The following DHX32 variants were observed in gnomAD, a reference collection of about 807,000 sequenced individuals.
The protein encoded by DHX32 is DEAH-box helicase 32 (putative).
DHX32 carries 51 observed loss-of-function variants against 70.0 expected under a neutral mutation model. That is an observed-to-expected ratio of 0.73 (90% CI 0.58 to 0.92). DHX32 has a LOEUF of 0.92. DHX32 is among the 40% of genes least tolerant of loss of function. The probability of loss-of-function intolerance (pLI) is 0.00; values close to 1 mark genes in which losing one functional copy is unlikely to be tolerated. For synonymous variants in DHX32, 310 were observed against 315.3 expected, an observed-to-expected ratio of 0.98 and a Z score of 0.18; for missense variants, 762 against 891.8, an observed-to-expected ratio of 0.85 and a Z score of 1.85.
intron 1 of DHX32, among the ~76,000 whole-genome samples, chr10:125,893,963 G>T (rs1019815427): frequency 2.0e-5 from 3 of 151,952 alleles, no homozygotes; most frequent in African/African-American, 7.3e-5. Context: ...ATAAGAAAAA[G>T]ACTACATCTG....
At chr10:125,838,117 G>T (rs1003883386) in intron 10 of DHX32, 89 bp downstream of exon 10, 9 of 1,271,868 alleles carry the variant, frequency 7.1e-6, no homozygotes, top group African/African-American at 1.5e-5. Flanking sequence ...ATAAACTTTA[G>T]AACTAAGAAT....
chr10:125,843,693 C>T lies in DHX32; in HGVS notation c.1352-1759G>A, dbSNP rs576746291. ...CAGGACAACTGGAAGGCATTAGAAG[C>T]CACTACTGTAGGCTGGGAAATGACT... is the stretch of plus-strand genomic sequence containing the variant. On this transcript the variant is annotated intron_variant, in intron 6 of 10. Coordinates refer to ENST00000284690, the MANE Select transcript of DHX32 (RefSeq NM_018180.3). 2.0e-5 allele frequency among the ~76,000 whole-genome samples: 3 copies of T among 152,280 alleles called. No homozygotes were observed. The South Asian group carries it at 6.2e-4, about 32-fold the overall frequency.
chr10:125,890,547 G>A (rs1228402343), intron 1 of DHX32: 1 of 150,806 alleles, frequency 6.6e-6, no homozygotes, highest in South Asian at 2.1e-4. Flanking sequence ...AATAAAAAAG[G>A]TCCATTTTTA....
intron 6 of DHX32, among the ~76,000 whole-genome samples, chr10:125,843,472 C>T (rs937503363): frequency 3.9e-5 from 6 of 152,006 alleles, no homozygotes; most frequent in South Asian, 4.1e-4. Flanking sequence ...ATTAGCCGGG[C>T]GTGGTGGCAG....
chr10:125,856,916 C>T (rs1944151770), intron 3 of DHX32, among the ~76,000 whole-genome samples: 1 of 152,236 alleles, frequency 6.6e-6, no homozygotes, highest in Non-Finnish European at 1.5e-5. Context: ...GATCACACCA[C>T]TGCACTCCAG....
In DHX32 at chr10:125,845,283, T is replaced by G. The variant is rs145656919; in HGVS notation, c.1352-3349A>C. Among the ~76,000 whole-genome samples, 74 of 152,348 alleles carry G rather than the reference T, an allele frequency of 4.9e-4. No individual in the cohort carries two copies. The East Asian group carries it at 9.1e-3, about 19-fold the overall frequency. On this transcript the variant is annotated intron_variant, in intron 6 of 10. Transcript: ENST00000284690. ...CTGTCTACTCAGGTGCTCAGGAGGC[T>G]TCCTCCAGCCAGGTCTCTTTTGTTA...
In DHX32 at chr10:125,880,637, G is replaced by A. The variant is rs1363402059; in HGVS notation, c.188C>T (p.Pro63Leu). 1.9e-6 allele frequency: 3 copies of A among 1,613,976 alleles called. No individual in the cohort carries two copies. Among genetic ancestry groups the A allele is most frequent in the Middle Eastern group, 1.6e-4 (1 of 6,084 alleles). ...YKLLKEREDL[P>L]IWKEKYSFME... is the part of the protein sequence containing the mutation. The stretch of plus-strand genomic sequence containing the variant: ...AAAGGAGTATTTTTCTTTCCATATA[G>A]GAAGATCTTCTCTTTCTTTCAGAAG... Residue 63 changes from proline to leucine, a missense_variant, in exon 1 of 11, where the codon CCT becomes CTT. Transcript: ENST00000284690.
intron 2 of DHX32, 43 bp from the exon 3 acceptor site, chr10:125,860,018 C>G (rs1539315): frequency 0.93 from 1,363,856 of 1,462,484 alleles, 636,500 homozygotes; most frequent in Admixed American, 0.95. Context: ...CTTATGCTAA[C>G]TCATGCAAAA....
At chr10:125,894,835 A>G (rs1343740648) in intron 1 of DHX32, among the ~76,000 whole-genome samples, 1 of 152,304 alleles carries the variant, frequency 6.6e-6, no homozygotes, top group Admixed American at 6.5e-5. Context: ...GAATGAAAAG[A>G]CCGCTTTGTG....
intron 4 of DHX32, 102 bp from the exon 5 acceptor site, chr10:125,852,744 A>G: frequency 9.8e-7 from 1 of 1,025,576 alleles, no homozygotes; most frequent in Admixed American, 2.6e-5. Context: ...ACTCCATGAA[A>G]TGCACTGCCA....
intron 1 of DHX32, among the ~76,000 whole-genome samples, chr10:125,880,330 AAC>A (rs1378738248): frequency 2.6e-5 from 4 of 152,242 alleles, no homozygotes; most frequent in African/African-American, 9.6e-5. Context: ...TGGTACCCTA[AAC>A]ACAATTAATT....
intron 3 of DHX32, 28 bp downstream of exon 3, chr10:125,859,575 C>G: frequency 6.5e-7 from 1 of 1,529,766 alleles, no homozygotes; most frequent in East Asian, 2.3e-5. Flanking sequence ...TACCTTATTA[C>G]TGTAAGGTTA....
chr10:125,874,861 T>C (rs1200447844), intron 1 of DHX32, among the ~76,000 whole-genome samples: 1 of 151,974 alleles, frequency 6.6e-6, no homozygotes, highest in East Asian at 1.9e-4. Flanking sequence ...AATAGATGGA[T>C]AGAATGAGAC....
At chr10:125,865,222 T>A (rs926685685) in intron 2 of DHX32, among the ~76,000 whole-genome samples, 6 of 152,202 alleles carry the variant, frequency 3.9e-5, no homozygotes, top group Non-Finnish European at 5.9e-5. Flanking sequence ...CAGGGTCCTA[T>A]GTCTTGTCCT....
At chr10:125,842,097 C>G in intron 6 of DHX32, 163 bp from the exon 7 acceptor site, 1 of 932,218 alleles carries the variant, frequency 1.1e-6, no homozygotes, top group Middle Eastern at 3.4e-4. Flanking sequence ...GATAGTGATT[C>G]TTGAGAGGGC....
chr10:125,847,134 CAT>C (rs1276919238), intron 6 of DHX32, among the ~76,000 whole-genome samples: 1 of 150,888 alleles, frequency 6.6e-6, no homozygotes, highest in East Asian at 2.0e-4. Flanking sequence ...GCTAACTACT[CAT>C]ATAGAAAACA....
chr10:125,842,168 A>C (rs1272920657), intron 6 of DHX32: 3 of 530,600 alleles, frequency 5.7e-6, no homozygotes, highest in Non-Finnish European at 9.2e-6. Context: ...TCCCAGCTGC[A>C]GTGTGCATGC....
At chr10:125,863,341 G>C (rs886726324) in intron 2 of DHX32, among the ~76,000 whole-genome samples, 1 of 152,110 alleles carries the variant, frequency 6.6e-6, no homozygotes, top group African/African-American at 2.4e-5. Flanking sequence ...TAGGCTTAAA[G>C]ACAGTTTACT....
In DHX32 at chr10:125,852,564, T is replaced by A. The variant is rs375726805; in HGVS notation, c.1171A>T (p.Ile391Phe). ...CTACCTGAAGAAGATGAGCCAAGAA[T>A]CTGCTTGCGTATCTCTGCCTGGCTC... Reference protein sequence around the residue: ...SQSQAEIRKQILGSSSSGKFF... With the variant: ...SQSQAEIRKQFLGSSSSGKFF... Residue 391 changes from isoleucine (I) to phenylalanine (F), a missense_variant, in exon 5 of 11, where the codon ATT (isoleucine) becomes TTT (phenylalanine). By Grantham distance (21) the Ile-to-Phe change is conservative. Around this residue, in one of 3 missense-constraint regions of DHX32, gnomAD observed 394 missense variants for 473.1 expected, o/e 0.83. Transcript: ENST00000284690. The A allele has an allele frequency of 6.2e-6, 10 of 1,613,596 alleles. No individual in the cohort carries two copies. Among genetic ancestry groups the A allele is most frequent in the Non-Finnish European group, 8.5e-6 (10 of 1,179,850 alleles).
Sources: allele counts gnomAD v4.1 joint callset (sites outside exome capture counted in the v4.1 genomes callset), GRCh38; gene constraint gnomAD v4.1.1; regional missense constraint gnomAD v4.1.1; transcripts MANE v1.5; gene names NCBI Gene and HGNC (gene_info 2026-07-23, HGNC 2026-07-21).